Variants in ITFG1 observed in about 807,000 individuals in gnomAD.
The protein encoded by ITFG1 is integrin alpha FG-GAP repeat containing 1.
Under a neutral mutation model 81.8 loss-of-function variants are expected in ITFG1, and 34 were observed. That is an observed-to-expected ratio of 0.42 (90% CI 0.32 to 0.55). The LOEUF is 0.55. Among genes scored for constraint, ITFG1 ranks in the 20% least tolerant of loss-of-function variants. The probability of loss-of-function intolerance (pLI) is 0.17; values close to 1 mark genes in which losing one functional copy is unlikely to be tolerated. For missense variants in ITFG1, 672 were observed against 755.4 expected (o/e 0.89, Z 1.29); for synonymous variants, 285 against 270.6 (o/e 1.05, Z -0.52).
intron 10 of ITFG1, among the ~76,000 whole-genome samples, chr16:47,276,884 T>C (rs1966403542): frequency 6.6e-6 from 1 of 152,198 alleles, no homozygotes; most frequent in African/African-American, 2.4e-5. Context: ...ATTAAAAGCC[T>C]ACATATGAAA....
chr16:47,185,446 G>A (rs1371424573), intron 14 of ITFG1, among the ~76,000 whole-genome samples: 4 of 152,168 alleles, frequency 2.6e-5, no homozygotes, highest in Admixed American at 2.6e-4. Context: ...TAGAACTCAG[G>A]ATTAAGAATC....
intron 6 of ITFG1, among the ~76,000 whole-genome samples, chr16:47,419,224 A>G (rs1374613881): frequency 6.6e-6 from 1 of 152,050 alleles, no homozygotes; most frequent in African/African-American, 2.4e-5. Flanking sequence ...CACAGCTGCA[A>G]TCATAGTGTA....
chr16:47,332,570 TTTGAC>T (rs1461699815), intron 8 of ITFG1, among the ~76,000 whole-genome samples: 14 of 152,202 alleles, frequency 9.2e-5, no homozygotes, highest in Non-Finnish European at 1.5e-4. Context: ...AACAATCAGC[TTTGAC>T]TTATTTCTCA....
At chr16:47,323,935 C>A (rs1453558787) in intron 8 of ITFG1, among the ~76,000 whole-genome samples, 2 of 152,114 alleles carry the variant, frequency 1.3e-5, no homozygotes, top group African/African-American at 4.8e-5. Context: ...TGATTAAACC[C>A]TAAAACTCTA....
intron 6 of ITFG1, among the ~76,000 whole-genome samples, chr16:47,380,567 A>C (rs761254441): frequency 1.3e-5 from 2 of 152,172 alleles, no homozygotes; most frequent in African/African-American, 2.4e-5. Flanking sequence ...AGTGTGCATG[A>C]GACTAAGTTC....
At chr16:47,340,862 TA>T in intron 8 of ITFG1, among the ~76,000 whole-genome samples, 1 of 152,158 alleles carries the variant, frequency 6.6e-6, no homozygotes, top group Non-Finnish European at 1.5e-5. Flanking sequence ...GACAAAAGTT[TA>T]AGTCAAAAAT....
Position 47,162,615 on chromosome 16 carries a change from G to T in ITFG1, c.1503C>A (p.Asn501Lys). 1 of 1,611,942 alleles carries T rather than the reference G, an allele frequency of 6.2e-7. No individual in the cohort carries two copies. The highest frequency in any genetic ancestry group is 1.3e-5 in the African/African-American group (1 of 74,956). The change falls in exon 15 of 18, where the codon AAC becomes AAA. Residue 501 changes from asparagine to lysine, a missense_variant. Asn to Lys is a moderately conservative substitution (Grantham distance 94). This residue lies in a region of ITFG1 where 560 missense variants were observed against 625.7 expected (regional missense o/e 0.90). Coordinates refer to ENST00000320640, the MANE Select transcript of ITFG1 (RefSeq NM_030790.5). ...SAHLALQLPY[N>K]VLGLGRSANF... Reference sequence around the variant, plus strand: ...TTGCGCTCCGACCTAAACCAAGCACGTTGTATGGTAGTTGGAGAGCTAAAT... The same window carrying T: ...TTGCGCTCCGACCTAAACCAAGCACTTTGTATGGTAGTTGGAGAGCTAAAT...
chr16:47,218,167 G>A (rs1338724522), intron 14 of ITFG1: 2 of 152,082 alleles, frequency 1.3e-5, no homozygotes, highest in Admixed American at 1.3e-4. Flanking sequence ...CAAAAAAATA[G>A]AGGAGTGACA....
At chr16:47,207,852 T>C (rs1287470942) in intron 14 of ITFG1, among the ~76,000 whole-genome samples, 1 of 123,144 alleles carries the variant, frequency 8.1e-6, no homozygotes, top group Non-Finnish European at 1.6e-5. Flanking sequence ...TGTTCAACAA[T>C]ATATACTTAC....
chr16:47,255,902 C>A (rs1384964667), intron 12 of ITFG1, among the ~76,000 whole-genome samples: 1 of 152,064 alleles, frequency 6.6e-6, no homozygotes, highest in East Asian at 1.9e-4. Context: ...TAAATGAAGA[C>A]TAAAAATACG....
chr16:47,400,037 C>A (rs1183972803), intron 6 of ITFG1, among the ~76,000 whole-genome samples: 1 of 152,186 alleles, frequency 6.6e-6, no homozygotes, highest in Non-Finnish European at 1.5e-5. Context: ...TGATTCCTCA[C>A]CTTGCAAGGC....
intron 5 of ITFG1, among the ~76,000 whole-genome samples, chr16:47,447,927 T>C (rs1969343249): frequency 6.6e-6 from 1 of 152,180 alleles, no homozygotes; most frequent in African/African-American, 2.4e-5. Flanking sequence ...AAAAAATACC[T>C]GATCTCTCAG....
Position 47,458,152 on chromosome 16 carries a change from G to A in ITFG1, c.281+951C>T, listed in dbSNP as rs112047853. Among the ~76,000 whole-genome samples, 83 of 152,264 alleles carry A rather than the reference G, an allele frequency of 5.5e-4. 2 individuals carry two copies. Among genetic ancestry groups the A allele is most frequent in the African/African-American group, 1.9e-3 (77 of 41,550 alleles). On this transcript the variant is annotated intron_variant, in intron 2 of 17. Coordinates refer to ENST00000320640, the MANE Select transcript of ITFG1 (RefSeq NM_030790.5). ...TTTCATCATCTCTCCTTTGCACAAG[G>A]ACCTGATGATTCCCCTCTTCTAATG...
At chr16:47,341,045 GA>G (rs1486943369) in intron 8 of ITFG1, among the ~76,000 whole-genome samples, 3 of 152,016 alleles carry the variant, frequency 2.0e-5, no homozygotes, top group Admixed American at 1.3e-4. Context: ...AGAGAAACAA[GA>G]AAATTCACGA....
chr16:47,369,557 T>C (rs118037352), intron 7 of ITFG1, among the ~76,000 whole-genome samples: 1,575 of 152,366 alleles, frequency 0.01, 11 homozygotes, highest in Non-Finnish European at 0.017. Context: ...GCTACTCATT[T>C]ACTCCATGGT....
At chr16:47,395,764 GT>G (rs1396037735) in intron 6 of ITFG1, among the ~76,000 whole-genome samples, 2 of 152,198 alleles carry the variant, frequency 1.3e-5, no homozygotes, top group Non-Finnish European at 1.5e-5. Flanking sequence ...CTCTTCTAGA[GT>G]TCTCTTAATA....
intron 7 of ITFG1, among the ~76,000 whole-genome samples, chr16:47,367,160 G>A (rs1156623043): frequency 6.6e-6 from 1 of 152,192 alleles, no homozygotes; most frequent in East Asian, 1.9e-4. Context: ...GGATACAGAT[G>A]AAGAGATGAG....
chr16:47,288,326 C>T (rs1033254077), intron 10 of ITFG1, among the ~76,000 whole-genome samples: 1 of 152,122 alleles, frequency 6.6e-6, no homozygotes, highest in African/African-American at 2.4e-5. Flanking sequence ...TACCACATTG[C>T]AAAAATCAAT....
At chr16:47,156,766 G>A (rs141426166) in intron 17 of ITFG1, among the ~76,000 whole-genome samples, 18 of 152,300 alleles carry the variant, frequency 1.2e-4, no homozygotes, top group African/African-American at 3.4e-4. Flanking sequence ...TCATGAGAAG[G>A]CTGGAAGGAG....
Sources: allele counts gnomAD v4.1 joint callset (sites outside exome capture counted in the v4.1 genomes callset), GRCh38; gene constraint gnomAD v4.1.1; regional missense constraint gnomAD v4.1.1; transcripts MANE v1.5; gene names NCBI Gene and HGNC (gene_info 2026-07-23, HGNC 2026-07-21).